The following DNAJC1 variants were observed in gnomAD, a reference collection of about 807,000 sequenced individuals.
DNAJC1 encodes DnaJ heat shock protein family (Hsp40) member C1, also known as dnaJ homolog subfamily C member 1.
A neutral mutation model predicts 76.6 loss-of-function variants in DNAJC1; 58 were observed. That is an observed-to-expected ratio of 0.76 (90% CI 0.61 to 0.94). DNAJC1 has a LOEUF of 0.94. Among genes scored for constraint, DNAJC1 ranks in the 40% least tolerant of loss-of-function variants. The pLI, the probability that DNAJC1 is intolerant of heterozygous loss-of-function variation, is 0.00. For missense variants in DNAJC1, 689 were observed against 677.3 expected, an observed-to-expected ratio of 1.02 and a Z score of -0.19; for synonymous variants, 258 against 267.9, an observed-to-expected ratio of 0.96 and a Z score of 0.36.
In DNAJC1 at chr10:21,886,156, C is replaced by A. The variant is rs560006225; in HGVS notation, c.821-3717G>T. Among the ~76,000 whole-genome samples the A allele has an allele frequency of 3.3e-5, 5 of 152,208 alleles. No homozygotes were observed. The South Asian group carries it at 1.0e-3, about 32-fold the overall frequency. On this transcript the variant is annotated intron_variant, in intron 7 of 11. Coordinates refer to ENST00000376980, the MANE Select transcript of DNAJC1 (RefSeq NM_022365.4). ...ATGATGAAGGGTGTCATCATTACCA[C>A]TGACCCCACAGAAGTAAAAATAACC... is the stretch of plus-strand genomic sequence containing the variant.
At chr10:21,767,472 A>C (rs1340607075) in intron 9 of DNAJC1, among the ~76,000 whole-genome samples, 2 of 152,074 alleles carry the variant, frequency 1.3e-5, no homozygotes, top group Admixed American at 1.3e-4. Flanking sequence ...ATATGTTGCT[A>C]TGTTGCAGTC....
At chr10:21,928,464 A>G (rs369530085) in intron 3 of DNAJC1, 42 bp downstream of exon 3, 51 of 1,548,320 alleles carry the variant, frequency 3.3e-5, no homozygotes, top group Non-Finnish European at 9.8e-6. Context: ...CTGTAGCATG[A>G]AACTATAACA....
At chr10:21,885,236 A>T (rs1315752212) in intron 7 of DNAJC1, among the ~76,000 whole-genome samples, 1 of 152,078 alleles carries the variant, frequency 6.6e-6, no homozygotes, top group Non-Finnish European at 1.5e-5. Context: ...AGATTAAAAA[A>T]CACAAAAAAA....
chr10:21,969,544 CA>C (rs1837945354), intron 1 of DNAJC1, among the ~76,000 whole-genome samples: 1 of 152,112 alleles, frequency 6.6e-6, no homozygotes, highest in African/African-American at 2.4e-5. Context: ...AGAATGTTAG[CA>C]ATTCCTTAGC....
chr10:21,999,620 A>C, intron 1 of DNAJC1, among the ~76,000 whole-genome samples: 1 of 151,316 alleles, frequency 6.6e-6, no homozygotes, highest in Non-Finnish European at 1.5e-5. Context: ...ACGCCTGGCT[A>C]ATTTTTATCT....
At chr10:21,936,259 T>C (rs1421108697) in intron 1 of DNAJC1, among the ~76,000 whole-genome samples, 1 of 152,208 alleles carries the variant, frequency 6.6e-6, no homozygotes, top group African/African-American at 2.4e-5. Context: ...AGACAGTGAA[T>C]ATGTTGTACC....
At chr10:21,906,318 G>A (rs1310470054) in intron 6 of DNAJC1, among the ~76,000 whole-genome samples, 2 of 151,912 alleles carry the variant, frequency 1.3e-5, no homozygotes, top group Admixed American at 1.3e-4. Flanking sequence ...TTTCAACAGG[G>A]TTTTGGGTTA....
At chr10:21,770,916 C>T (rs1834368778) in intron 9 of DNAJC1, among the ~76,000 whole-genome samples, 1 of 152,014 alleles carries the variant, frequency 6.6e-6, no homozygotes, top group African/African-American at 2.4e-5. Flanking sequence ...TCTAAGAATC[C>T]TCTGCCAAAT....
chr10:21,993,068 C>A (rs1838352509), intron 1 of DNAJC1, among the ~76,000 whole-genome samples: 1 of 151,616 alleles, frequency 6.6e-6, no homozygotes, highest in Non-Finnish European at 1.5e-5. Flanking sequence ...TGATAAGAAT[C>A]ATTTTATAAA....
At chr10:21,908,036 A>AT (rs1238297969) in intron 6 of DNAJC1, among the ~76,000 whole-genome samples, 1 of 112,754 alleles carries the variant, frequency 8.9e-6, no homozygotes, top group Non-Finnish European at 1.7e-5. Context: ...AATATATAAT[A>AT]TAATATAATA....
chr10:21,854,301 GA>G (rs1214989887), intron 8 of DNAJC1, among the ~76,000 whole-genome samples: 1 of 141,760 alleles, frequency 7.1e-6, no homozygotes, highest in Non-Finnish European at 1.5e-5. Context: ...ACAATATGGT[GA>G]AAAAACCTTA....
At chr10:21,841,394 C>G (rs1414339977) in intron 8 of DNAJC1, among the ~76,000 whole-genome samples, 1 of 152,082 alleles carries the variant, frequency 6.6e-6, no homozygotes, top group Non-Finnish European at 1.5e-5. Flanking sequence ...TGAACTCAAA[C>G]AAATTTACAA....
chr10:21,843,742 CTTT>C (rs1156943907), intron 8 of DNAJC1, among the ~76,000 whole-genome samples: 1 of 137,818 alleles, frequency 7.3e-6, no homozygotes, highest in Non-Finnish European at 1.6e-5. Context: ...ATTTTACAAT[CTTT>C]TTTTTTTTTT....
At chr10:21,894,421 A>G (rs1220586730) in intron 7 of DNAJC1, among the ~76,000 whole-genome samples, 1 of 152,190 alleles carries the variant, frequency 6.6e-6, no homozygotes, top group African/African-American at 2.4e-5. Flanking sequence ...AAATACAAAA[A>G]TTAGCCAGGT....
chr10:21,822,009 C>T (rs1183317274), intron 8 of DNAJC1, among the ~76,000 whole-genome samples: 1 of 152,146 alleles, frequency 6.6e-6, no homozygotes, highest in African/African-American at 2.4e-5. Flanking sequence ...TATTATTCAA[C>T]AGAATGGTAC....
chr10:21,918,393 T>TA (rs910618702), intron 6 of DNAJC1, among the ~76,000 whole-genome samples: 14 of 150,814 alleles, frequency 9.3e-5, no homozygotes, highest in African/African-American at 3.2e-4. Flanking sequence ...TTTTTTTTTT[T>TA]AACACTATGT....
At chr10:21,955,017 C>T (rs1191068660) in intron 1 of DNAJC1, among the ~76,000 whole-genome samples, 2 of 152,040 alleles carry the variant, frequency 1.3e-5, no homozygotes, top group Non-Finnish European at 2.9e-5. Context: ...GGAGGCTGTT[C>T]TGTGCATTAT....
chr10:21,799,827 C>T (rs1834793958), intron 9 of DNAJC1, among the ~76,000 whole-genome samples: 2 of 152,100 alleles, frequency 1.3e-5, no homozygotes, highest in East Asian at 1.9e-4. Context: ...TCTCACCCCA[C>T]GTATTTACCA....
At chr10:21,939,987 G>C (rs556840045) in intron 1 of DNAJC1, among the ~76,000 whole-genome samples, 6 of 144,814 alleles carry the variant, frequency 4.1e-5, no homozygotes, top group African/African-American at 1.3e-4. Flanking sequence ...CAAAACAAAC[G>C]TGTGTGTATA....
Sources: gnomAD v4.1 joint callset for allele counts (sites outside exome capture counted in the v4.1 genomes callset) on GRCh38, gnomAD v4.1.1 for gene constraint, MANE v1.5 for transcripts, NCBI Gene and HGNC (gene_info 2026-07-23, HGNC 2026-07-21) for gene names.